AKAP7: variants seen among roughly 807,000 people sequenced by gnomAD.
AKAP7 encodes A-kinase anchoring protein 7.
In AKAP7, 39 loss-of-function variants were observed where a neutral mutation model predicts 39.5. The ratio of observed to expected loss-of-function variants is 0.99; its 90% CI spans 0.76 to 1.29. The LOEUF (loss-of-function observed/expected upper bound fraction) is 1.29. AKAP7 is among the 50% of genes most tolerant of loss of function. AKAP7 has a pLI of 0.00. For missense variants in AKAP7, 414 were observed against 407.7 expected, an observed-to-expected ratio of 1.02 and a Z score of -0.13; for synonymous variants, 140 against 139.1, an observed-to-expected ratio of 1.01 and a Z score of -0.05.
intron 7 of AKAP7, among the ~76,000 whole-genome samples, chr6:131,269,925 G>A (rs1212830406): frequency 6.6e-6 from 1 of 152,112 alleles, no homozygotes. Flanking sequence ...GTTGAGATGT[G>A]TCTAAAACAG....
At chr6:131,135,819 G>A in intron 1 of AKAP7, 37 bp downstream of exon 1, 1 of 1,226,702 alleles carries the variant, frequency 8.2e-7, no homozygotes, top group Non-Finnish European at 1.0e-6. Context: ...GGGCGGGGGC[G>A]ACAGGAGCCG....
chr6:131,134,439 T>C (rs1187721560), upstream of AKAP7, among the ~76,000 whole-genome samples: 1 of 152,210 alleles, frequency 6.6e-6, no homozygotes, highest in Non-Finnish European at 1.5e-5. Flanking sequence ...TGGGGTGGCA[T>C]ATTCTCATCC....
At chr6:131,263,589 A>G (rs1249873887) in intron 7 of AKAP7, among the ~76,000 whole-genome samples, 4 of 152,172 alleles carry the variant, frequency 2.6e-5, no homozygotes, top group African/African-American at 9.7e-5. Flanking sequence ...AATTTCCCAG[A>G]AGATGGAAAT....
At chr6:131,182,125 G>A (rs1238020823) in intron 5 of AKAP7, among the ~76,000 whole-genome samples, 1 of 149,040 alleles carries the variant, frequency 6.7e-6, no homozygotes, top group East Asian at 2.0e-4. Flanking sequence ...GAGTCCGTCT[G>A]AAAAAAAAAA....
intron 7 of AKAP7, among the ~76,000 whole-genome samples, chr6:131,263,995 A>G (rs1446896699): frequency 2.6e-5 from 4 of 152,098 alleles, no homozygotes; most frequent in Non-Finnish European, 4.4e-5. Flanking sequence ...TTTTCCCCCC[A>G]TTCTTTACTT....
rs140515096 is a variant in AKAP7 at position 131,239,266 on chromosome 6, C to T, written c.850+19458C>T. 1.6e-3 allele frequency among the ~76,000 whole-genome samples: 251 copies of T among 152,324 alleles called. 1 individual carries two copies. Among genetic ancestry groups the T allele is most frequent in the Admixed American group, 4.4e-3 (67 of 15,300 alleles). ...TCTCTTCTGGCTTGTAGAGTGTCTG[C>T]CAAGACGTCAGCTGTTAGTCTGATG... On this transcript the variant is annotated intron_variant, in intron 7 of 7. Transcript: ENST00000431975.
At chr6:131,217,158 TTAGC>T (rs1809262652) in intron 6 of AKAP7, among the ~76,000 whole-genome samples, 1 of 152,178 alleles carries the variant, frequency 6.6e-6, no homozygotes, top group Non-Finnish European at 1.5e-5. Context: ...CGCAGCCTTT[TTAGC>T]TTTAAAATAT....
At chr6:131,147,334 G>A (rs776285647) in intron 2 of AKAP7, among the ~76,000 whole-genome samples, 2 of 152,178 alleles carry the variant, frequency 1.3e-5, no homozygotes, top group African/African-American at 4.8e-5. Context: ...CTTGTATTTT[G>A]GGAAGATGTG....
intron 7 of AKAP7, among the ~76,000 whole-genome samples, chr6:131,258,550 ATCT>A (rs1813049755): frequency 6.6e-6 from 1 of 152,208 alleles, no homozygotes; most frequent in Non-Finnish European, 1.5e-5. Flanking sequence ...AGCAAATAAA[ATCT>A]TCTGTGACTA....
rs150416787 is a variant in AKAP7 at position 131,272,449 on chromosome 6, G to T, written c.851-9081G>T. ...CCTCTCTTCCTATGTTCTTAATGTGGTAGCTTTGATAACTGACTTGAGACC... is the reference window on the plus strand; with the variant it reads ...CCTCTCTTCCTATGTTCTTAATGTGTTAGCTTTGATAACTGACTTGAGACC... On this transcript the variant is annotated intron_variant, in intron 7 of 7. Transcript: ENST00000431975. Among the ~76,000 whole-genome samples, 243 of 152,114 alleles carry T rather than the reference G, an allele frequency of 1.6e-3. 3 individuals carry two copies. The East Asian group carries it at 0.037, about 23-fold the overall frequency.
chr6:131,228,478 A>G (rs184483142), intron 7 of AKAP7, among the ~76,000 whole-genome samples: 3 of 152,238 alleles, frequency 2.0e-5, no homozygotes, highest in Admixed American at 1.3e-4. Context: ...TAGTATTCTA[A>G]TCATTTACAA....
In AKAP7 at chr6:131,135,522, C is replaced by CT; in HGVS notation, c.-242_-241insT. ...CGGGTGCTGCGGCTGCTGCGGCTGCCGCCGCCGCTGCTGCCGCTGCCGCGG... is the reference window on the plus strand; with the variant it reads ...CGGGTGCTGCGGCTGCTGCGGCTGCCTGCCGCCGCTGCTGCCGCTGCCGCGG... On this transcript the variant is annotated 5_prime_UTR_variant, in exon 1 of 8. Transcript: ENST00000431975. The CT allele has an allele frequency of 1.2e-5, 2 of 167,398 alleles. No homozygotes were observed. Among genetic ancestry groups the CT allele is most frequent in the South Asian group, 3.6e-4 (2 of 5,536 alleles). 10.4% of individuals were successfully genotyped at this position (167,398 alleles called of 1,614,324 possible).
chr6:131,265,160 A>G (rs56059672), intron 7 of AKAP7, among the ~76,000 whole-genome samples: 16,798 of 152,104 alleles, frequency 0.11, 1,194 homozygotes, highest in Non-Finnish European at 0.15. Context: ...TTTGAGACAG[A>G]GTCTTGCTCT....
chr6:131,224,730 C>CTTT lies in AKAP7; in HGVS notation c.850+4949_850+4951dup, dbSNP rs779047229. On this transcript the variant is annotated intron_variant, in intron 7 of 7. Coordinates refer to ENST00000431975, the MANE Select transcript of AKAP7 (RefSeq NM_016377.4). ...GTTTGTAAAGTTTCCAGTTGATTCA[C>CTTT]TTTTTTTTTTTTTTTTTTTTTTTTT... Among the ~76,000 whole-genome samples, 413 of 55,118 alleles carry CTTT rather than the reference C, an allele frequency of 7.5e-3. 85 individuals carry two copies. Among genetic ancestry groups the CTTT allele is most frequent in the Middle Eastern group, 0.029 (2 of 70 alleles). 36.2% of individuals were successfully genotyped at this position (55,118 alleles called of 152,430 possible). A position where few individuals can be genotyped will look rare whatever the true frequency, so the allele number is the denominator to read the frequency against.
At chr6:131,131,463 C>G (rs889757594), upstream of AKAP7, among the ~76,000 whole-genome samples, 2 of 85,246 alleles carry the variant, frequency 2.3e-5, no homozygotes, top group African/African-American at 4.0e-5. Flanking sequence ...GTTTCTCTTT[C>G]TTTCTTTTTT....
intron 6 of AKAP7, among the ~76,000 whole-genome samples, chr6:131,219,023 C>T (rs935905432): frequency 3.3e-5 from 5 of 152,130 alleles, no homozygotes; most frequent in African/African-American, 1.2e-4. Flanking sequence ...AATCCCAGCA[C>T]TTTGGGAGGC....
At chr6:131,275,633 G>A (rs529963753) in intron 7 of AKAP7, among the ~76,000 whole-genome samples, 4 of 152,276 alleles carry the variant, frequency 2.6e-5, no homozygotes, top group East Asian at 3.9e-4. Context: ...GGTGGGCTGC[G>A]TGGCCTACAA....
chr6:131,129,285 A>AG, the AKAP7 span, among the ~76,000 whole-genome samples: 2 of 7,458 alleles, frequency 2.7e-4, no homozygotes, highest in African/African-American at 4.4e-4. Context: ...AGACTCTGTC[A>AG]AAAAAAAAAA....
chr6:131,165,876 C>T (rs773395823), intron 4 of AKAP7, among the ~76,000 whole-genome samples: 6 of 152,116 alleles, frequency 3.9e-5, no homozygotes, highest in Non-Finnish European at 5.9e-5. Flanking sequence ...ATTTTCCCTT[C>T]CTCTGTTACC....
Sources: gnomAD v4.1 joint callset for allele counts (sites outside exome capture counted in the v4.1 genomes callset) on GRCh38, gnomAD v4.1.1 for gene constraint, MANE v1.5 for transcripts, NCBI Gene and HGNC (gene_info 2026-07-23, HGNC 2026-07-21) for gene names.